Variants in SYTL3 observed in about 807,000 individuals in gnomAD.
SYTL3 encodes synaptotagmin-like protein 3.
In SYTL3, 88 loss-of-function variants were observed where a neutral mutation model predicts 82.1. The observed-to-expected ratio is 1.07, with a 90% confidence interval of 0.90 to 1.28. The LOEUF (loss-of-function observed/expected upper bound fraction) is 1.28. Among genes scored for constraint, SYTL3 ranks in the 50% most tolerant of loss-of-function variants. SYTL3 has a pLI of 0.00. For missense variants in SYTL3, 831 were observed against 757.6 expected (o/e 1.10, Z -1.14); for synonymous variants, 311 against 289.4 (o/e 1.07, Z -0.76).
At chr6:158,671,229 G>A (rs540978514) in intron 5 of SYTL3, among the ~76,000 whole-genome samples, 47 of 152,312 alleles carry the variant, frequency 3.1e-4, no homozygotes, top group South Asian at 1.2e-3. Context: ...TCTTCTTGTT[G>A]AAACTGAACT....
chr6:158,670,109 A>G (rs953300074), intron 5 of SYTL3, among the ~76,000 whole-genome samples: 1 of 152,240 alleles, frequency 6.6e-6, no homozygotes, highest in Non-Finnish European at 1.5e-5. Flanking sequence ...TATTCTAATT[A>G]TGTTTCTGCC....
chr6:158,764,633 G>A lies in SYTL3; in HGVS notation c.*29G>A. 1 of 1,533,238 alleles carries A rather than the reference G, an allele frequency of 6.5e-7. No homozygotes were observed. Among genetic ancestry groups the A allele is most frequent in the South Asian group, 1.1e-5 (1 of 89,486 alleles). The allele number at this position is 1,533,238 out of a possible 1,614,324, so 95.0% of individuals were successfully genotyped here. ...GAAGGCCTCAAGGTTCCAGGTTGCA[G>A]CAGGCGTGAGGCACTGTGCGTCTGC... On this transcript the variant is annotated 3_prime_UTR_variant, in exon 18 of 18. Coordinates refer to ENST00000611299, the MANE Select transcript of SYTL3 (RefSeq NM_001242394.2).
chr6:158,663,916 C>T (rs887116907), intron 4 of SYTL3, among the ~76,000 whole-genome samples: 3 of 152,080 alleles, frequency 2.0e-5, no homozygotes, highest in Admixed American at 1.3e-4. Flanking sequence ...TAGCCTGTTT[C>T]CTGACCGCTT....
chr6:158,760,098 T>G (rs1215245873), intron 14 of SYTL3, among the ~76,000 whole-genome samples: 1 of 152,048 alleles, frequency 6.6e-6, no homozygotes, highest in East Asian at 1.9e-4. Context: ...TTCACTCACT[T>G]TCTGGTAAAA....
At chr6:158,663,411 T>C (rs754352151) in intron 4 of SYTL3, 33 bp downstream of exon 4, 3 of 1,608,680 alleles carry the variant, frequency 1.9e-6, no homozygotes, top group African/African-American at 2.7e-5. Context: ...TCACTTTGGG[T>C]GTTTAGCTTT....
chr6:158,756,717 AAATTTTTTTTTTTTTTTTT>A (rs1367862404), intron 13 of SYTL3, among the ~76,000 whole-genome samples: 2 of 53,210 alleles, frequency 3.8e-5, no homozygotes, highest in Admixed American at 6.8e-4. Context: ...TCTCAAAAAA[AAATTTTTTTTTTTTTTTTT>A]TTTTTTTTTT....
rs1788447222 is a variant in SYTL3, at chr6:158,751,969, G to A, written c.1076G>A (p.Gly359Glu). ...CTGTTGCCCGACAGATCCTCCCAGGGAAAGCGCAAGACTGGAGTCCAAAGG... is the reference window on the plus strand; with the variant it reads ...CTGTTGCCCGACAGATCCTCCCAGGAAAAGCGCAAGACTGGAGTCCAAAGG... Reference protein sequence around the residue: ...TYLLPDRSSQGKRKTGVQRNT... With the variant: ...TYLLPDRSSQEKRKTGVQRNT... Residue 359 changes from glycine to glutamate, a missense_variant, in exon 13 of 18, where the codon GGA becomes GAA. Physicochemically the swap from Gly to Glu is moderately conservative, Grantham distance 98 (BLOSUM62 -2). Coordinates refer to ENST00000611299, the MANE Select transcript of SYTL3 (RefSeq NM_001242394.2). The A allele has an allele frequency of 1.9e-6, 3 of 1,602,516 alleles. No individual in the cohort carries two copies. The Admixed American group carries it at 5.2e-5, about 28-fold the overall frequency.
intron 5 of SYTL3, among the ~76,000 whole-genome samples, chr6:158,667,060 C>A (rs1562352429): frequency 6.6e-6 from 1 of 152,228 alleles, no homozygotes; most frequent in Non-Finnish European, 1.5e-5. Flanking sequence ...AGAAAGGTCT[C>A]AGTATCTTCT....
At chr6:158,711,823 G>T (rs754908396) in intron 8 of SYTL3, among the ~76,000 whole-genome samples, 5 of 152,160 alleles carry the variant, frequency 3.3e-5, no homozygotes, top group Admixed American at 2.0e-4. Flanking sequence ...TCATGGCACT[G>T]GTGGGAGTGT....
In SYTL3 at chr6:158,718,152, T is replaced by G. The variant is rs756053129; in HGVS notation, c.661T>G (p.Cys221Gly). The change falls in exon 10 of 18, where the codon TGT (cysteine) becomes GGT (glycine). Residue 221 changes from cysteine to glycine, a missense_variant. Physicochemically the swap from Cys to Gly is radical, Grantham distance 159. Transcript: ENST00000611299. Reference protein sequence around the residue: ...KHLLATGPRQCVGQTERRSQS... With the variant: ...KHLLATGPRQGVGQTERRSQS... ...TCTTCTCGCCACGGGCCCCAGGCAG[T>G]GTGTGGGACAGACAGAGAGACGGAG... is the stretch of plus-strand genomic sequence containing the variant. The G allele has an allele frequency of 1.3e-6, 2 of 1,546,836 alleles. No individual in the cohort carries two copies. Among genetic ancestry groups the G allele is most frequent in the South Asian group, 2.4e-5 (2 of 83,430 alleles).
At chr6:158,724,330 T>A (rs1205902011) in intron 10 of SYTL3, among the ~76,000 whole-genome samples, 1 of 152,244 alleles carries the variant, frequency 6.6e-6, no homozygotes, top group Non-Finnish European at 1.5e-5. Context: ...ATAAATAATT[T>A]GGAGGTAATC....
intron 11 of SYTL3, among the ~76,000 whole-genome samples, chr6:158,744,907 G>A (rs1244731721): frequency 6.6e-6 from 1 of 152,024 alleles, no homozygotes; most frequent in Non-Finnish European, 1.5e-5. Flanking sequence ...TTTCATTTTA[G>A]GTAACCAGAA....
intron 10 of SYTL3, among the ~76,000 whole-genome samples, chr6:158,724,754 C>T (rs1006898526): frequency 1.3e-5 from 2 of 152,248 alleles, no homozygotes; most frequent in African/African-American, 2.4e-5. Flanking sequence ...GTGGCTCACG[C>T]CTGTAATCCC....
At position 158,764,739 on chromosome 6, in the gene SYTL3, A is replaced by G. The variant is rs1790583203; in HGVS notation, c.*135A>G. 1 of 621,376 alleles carries G rather than the reference A, an allele frequency of 1.6e-6. No homozygotes were observed. Among genetic ancestry groups the G allele is most frequent in the African/African-American group, 1.8e-5 (1 of 54,868 alleles). 38.5% of individuals were successfully genotyped at this position (621,376 alleles called of 1,614,324 possible). On this transcript the variant is annotated 3_prime_UTR_variant, in exon 18 of 18. Transcript: ENST00000611299. Reference sequence around the variant, plus strand: ...CAGTCTCCATCTGCGGCCCTGTCCCATGGCTTAACCGCCTATTGGTATCTG... The same window carrying G: ...CAGTCTCCATCTGCGGCCCTGTCCCGTGGCTTAACCGCCTATTGGTATCTG...
At chr6:158,722,253 T>TG (rs1219922562) in intron 10 of SYTL3, among the ~76,000 whole-genome samples, 1 of 152,088 alleles carries the variant, frequency 6.6e-6, no homozygotes, top group Non-Finnish European at 1.5e-5. Flanking sequence ...TTCTACCTCC[T>TG]GGGCTCAGGT....
At chr6:158,752,626 C>T (rs1788536237) in intron 13 of SYTL3, among the ~76,000 whole-genome samples, 1 of 152,182 alleles carries the variant, frequency 6.6e-6, no homozygotes, top group African/African-American at 2.4e-5. Flanking sequence ...AAGGCTGCAG[C>T]TGAGGTCTGG....
intron 2 of SYTL3, among the ~76,000 whole-genome samples, chr6:158,653,362 G>A (rs944904650): frequency 3.3e-5 from 5 of 152,026 alleles, no homozygotes; most frequent in African/African-American, 7.3e-5. Flanking sequence ...CAAAATTAGC[G>A]GAGGATGGTG....
chr6:158,733,987 A>G (rs1028103571), intron 11 of SYTL3, among the ~76,000 whole-genome samples: 3 of 151,112 alleles, frequency 2.0e-5, no homozygotes, highest in Non-Finnish European at 4.4e-5. Context: ...AGTCCCAGCT[A>G]CTTGGGAGGC....
At chr6:158,727,334 G>T (rs960615895) in intron 11 of SYTL3, among the ~76,000 whole-genome samples, 1 of 151,712 alleles carries the variant, frequency 6.6e-6, no homozygotes, top group Non-Finnish European at 1.5e-5. Context: ...ACCACGTCTG[G>T]CTAATTTTTG....
Sources: gnomAD v4.1 joint callset for allele counts (sites outside exome capture counted in the v4.1 genomes callset) on GRCh38, gnomAD v4.1.1 for gene constraint, MANE v1.5 for transcripts, NCBI Gene and HGNC (gene_info 2026-07-23, HGNC 2026-07-21) for gene names.